LRSAM1: variants seen among roughly 807,000 people sequenced by gnomAD.
The protein encoded by LRSAM1 is leucine rich repeat and sterile alpha motif containing 1.
A neutral mutation model predicts 118.1 loss-of-function variants in LRSAM1; 96 were observed. The observed-to-expected ratio is 0.81, with a 90% CI of 0.69 to 0.96. LRSAM1 has a LOEUF of 0.96. Among genes scored for constraint, LRSAM1 ranks in the 40% least tolerant of loss-of-function variants. The probability of loss-of-function intolerance (pLI) is 0.00; values close to 1 mark genes in which losing one functional copy is unlikely to be tolerated. For synonymous variants in LRSAM1, 322 were observed against 364.2 expected (o/e 0.88, Z 1.32); for missense variants, 804 against 915.5 (o/e 0.88, Z 1.57).
chr9:127,494,809 G>T (rs937459393), intron 21 of LRSAM1, among the ~76,000 whole-genome samples: 2 of 152,132 alleles, frequency 1.3e-5, no homozygotes, highest in African/African-American at 4.8e-5. Flanking sequence ...GCCGGGCATG[G>T]TGGCACACAC....
intron 22 of LRSAM1, among the ~76,000 whole-genome samples, chr9:127,495,691 C>T (rs1000817667): frequency 1.3e-5 from 2 of 152,136 alleles, no homozygotes; most frequent in African/African-American, 4.8e-5. Context: ...ACTGTCTGTC[C>T]AGCACCTGCG....
At chr9:127,498,569 T>C (rs1431425847) in intron 24 of LRSAM1, among the ~76,000 whole-genome samples, 1 of 152,136 alleles carries the variant, frequency 6.6e-6, no homozygotes, top group Non-Finnish European at 1.5e-5. Flanking sequence ...TTCCTCTCCA[T>C]AGCAGATTGG....
chr9:127,493,251 G>T (rs1326174427), intron 21 of LRSAM1, among the ~76,000 whole-genome samples: 1 of 151,980 alleles, frequency 6.6e-6, no homozygotes, highest in African/African-American at 2.4e-5. Flanking sequence ...TTGTAGAGAT[G>T]GGGTTTCGCT....
Position 127,479,441 on chromosome 9 carries a change from A to C in LRSAM1, c.839A>C (p.Glu280Ala). 2 of 1,614,114 alleles carry C rather than the reference A, an allele frequency of 1.2e-6. No homozygotes were observed. The highest frequency in any genetic ancestry group is 1.7e-6 in the Non-Finnish European group (2 of 1,180,014). The change falls in exon 13 of 26, where the codon GAG becomes GCG. Residue 280 changes from glutamate (E) to alanine (A), a missense_variant. Transcript: ENST00000300417. ...FERRLELGQREHTQLLQQSSS... is the reference protein window; with the variant it reads ...FERRLELGQRAHTQLLQQSSS... ...CGGCGCCTGGAACTGGGGCAGCGGG[A>C]GCACACCCAGCTCCTTCAGCAGAGC...
In LRSAM1 at chr9:127,452,049, T is replaced by A. The variant is rs907928634; in HGVS notation, c.-68T>A. On this transcript the variant is annotated 5_prime_UTR_variant, in exon 2 of 26. Coordinates refer to ENST00000300417, the MANE Select transcript of LRSAM1 (RefSeq NM_001005373.4). ...GCCTGCCCTCGGGTGCACCCGCGGGTCCCAACGTGGGGGATCCCTCCATCC... is the reference window on the plus strand; with the variant it reads ...GCCTGCCCTCGGGTGCACCCGCGGGACCCAACGTGGGGGATCCCTCCATCC... 2 of 151,292 alleles carry A rather than the reference T, an allele frequency of 1.3e-5. No individual in the cohort carries two copies. The highest frequency in any genetic ancestry group is 4.9e-5 in the African/African-American group (2 of 41,052). The allele number at this position is 151,292 out of a possible 1,614,324, so 9.4% of individuals were successfully genotyped here.
At chr9:127,483,864 T>C (rs1276540607) in intron 16 of LRSAM1, among the ~76,000 whole-genome samples, 5 of 152,216 alleles carry the variant, frequency 3.3e-5, no homozygotes, top group African/African-American at 1.2e-4. Context: ...GGTTTTGCCA[T>C]GTTGGCCAGG....
At chr9:127,466,290 C>G (rs2253928) in intron 9 of LRSAM1, among the ~76,000 whole-genome samples, 91,857 of 151,274 alleles carry the variant, frequency 0.61, 28,227 homozygotes, top group African/African-American at 0.64. Flanking sequence ...GCCTGCCACA[C>G]AGCAAGACTC....
intron 9 of LRSAM1, among the ~76,000 whole-genome samples, chr9:127,463,095 A>C (rs1414046624): frequency 6.7e-6 from 1 of 148,588 alleles, no homozygotes; most frequent in East Asian, 2.1e-4. Flanking sequence ...TACTCGGGGG[A>C]GGCTGAGACA....
At chr9:127,454,641 C>A (rs911722051) in intron 3 of LRSAM1, 42 bp downstream of exon 3, 5 of 1,596,694 alleles carry the variant, frequency 3.1e-6, no homozygotes, top group Non-Finnish European at 4.3e-6. Context: ...CCCATCTCCT[C>A]CTCGGTCCCC....
chr9:127,462,855 TAA>T (rs952273561), intron 9 of LRSAM1, among the ~76,000 whole-genome samples: 1 of 141,012 alleles, frequency 7.1e-6, no homozygotes, highest in African/African-American at 2.6e-5. Flanking sequence ...AAAAAAAAGT[TAA>T]AAAAAAAAAA....
intron 22 of LRSAM1, 58 bp downstream of exon 22, chr9:127,495,476 C>A: frequency 1.4e-6 from 2 of 1,432,716 alleles, no homozygotes; most frequent in Non-Finnish European, 2.0e-6. Context: ...CTCCCAGAGG[C>A]GCCTGTGGTG....
chr9:127,466,572 C>T (rs1476613894), intron 9 of LRSAM1, among the ~76,000 whole-genome samples: 12 of 125,696 alleles, frequency 9.5e-5, no homozygotes, highest in Admixed American at 9.4e-5. Context: ...AGGCTGGTCT[C>T]GAACTCCTGG....
chr9:127,491,074 C>T (rs563016202), intron 19 of LRSAM1, 141 bp from the exon 20 acceptor site: 8 of 752,680 alleles, frequency 1.1e-5, no homozygotes, highest in South Asian at 2.9e-5. Flanking sequence ...TTCCCAGGCC[C>T]GCAGGTTCCC....
At chr9:127,455,650 T>C (rs1173592186) in intron 5 of LRSAM1, 30 bp downstream of exon 5, 4 of 1,610,602 alleles carry the variant, frequency 2.5e-6, no homozygotes, top group Non-Finnish European at 2.5e-6. Context: ...TCAGAGACTT[T>C]CTTGTTGCAT....
intron 2 of LRSAM1, among the ~76,000 whole-genome samples, chr9:127,453,270 C>T (rs574835167): frequency 6.6e-5 from 10 of 152,174 alleles, no homozygotes; most frequent in Middle Eastern, 3.4e-3. Context: ...TTAGTAGAGA[C>T]GGGGTTTGAC....
intron 21 of LRSAM1, among the ~76,000 whole-genome samples, chr9:127,494,350 GT>G (rs933819591): frequency 6.6e-6 from 1 of 152,248 alleles, no homozygotes; most frequent in Non-Finnish European, 1.5e-5. Flanking sequence ...CAGCTCCGTT[GT>G]TCTGAGCACG....
intron 24 of LRSAM1, among the ~76,000 whole-genome samples, chr9:127,500,741 A>ACAT (rs1836353958): frequency 6.6e-6 from 1 of 152,180 alleles, no homozygotes; most frequent in African/African-American, 2.4e-5. Flanking sequence ...CGTCCCGGGG[A>ACAT]CATTAGAGAT....
intron 2 of LRSAM1, 137 bp from the exon 3 acceptor site, chr9:127,454,358 AG>A: frequency 1.4e-6 from 1 of 726,708 alleles, no homozygotes. Context: ...GGAACTCACT[AG>A]GGAGACACAG....
chr9:127,472,523 C>G (rs1443749866), intron 10 of LRSAM1, among the ~76,000 whole-genome samples: 2 of 151,926 alleles, frequency 1.3e-5, no homozygotes, highest in Non-Finnish European at 2.9e-5. Context: ...TGCCTATAAT[C>G]CCAGCTACTC....
Sources: allele counts gnomAD v4.1 joint callset (sites outside exome capture counted in the v4.1 genomes callset), GRCh38; gene constraint gnomAD v4.1.1; transcripts MANE v1.5; gene names NCBI Gene and HGNC (gene_info 2026-07-23, HGNC 2026-07-21).